The following KAT7 variants were observed in gnomAD, a reference collection of about 807,000 sequenced individuals.
KAT7 encodes the protein lysine acetyltransferase 7.
A neutral mutation model predicts 82.1 loss-of-function variants in KAT7; 10 were observed. The observed-to-expected ratio is 0.12, with a 90% CI of 0.08 to 0.21. KAT7 has a LOEUF of 0.21. Ranked by LOEUF, KAT7 falls within the 10% of genes least tolerant of loss-of-function variation. The probability of loss-of-function intolerance (pLI) is 1.00; values close to 1 mark genes in which losing one functional copy is unlikely to be tolerated. For missense variants in KAT7, 378 were observed against 760.9 expected, an observed-to-expected ratio of 0.50 and a Z score of 5.92; for synonymous variants, 250 against 262.5, an observed-to-expected ratio of 0.95 and a Z score of 0.46.
chr17:49,823,879 A>G (rs1160547784), intron 12 of KAT7, among the ~76,000 whole-genome samples: 1 of 152,136 alleles, frequency 6.6e-6, no homozygotes, highest in Non-Finnish European at 1.5e-5. Context: ...AAACAAGTTC[A>G]TTTTCAGTCT....
chr17:49,808,971 T>C, intron 5 of KAT7, 148 bp from the exon 6 acceptor site: 1 of 611,614 alleles, frequency 1.6e-6, no homozygotes, highest in Non-Finnish European at 2.9e-6. Context: ...GCATTATCTC[T>C]TTCTTGTAGA....
intron 6 of KAT7, among the ~76,000 whole-genome samples, chr17:49,810,200 C>T (rs1186524085): frequency 6.6e-6 from 1 of 152,154 alleles, no homozygotes; most frequent in Non-Finnish European, 1.5e-5. Flanking sequence ...AGGTAAAAAG[C>T]ACTCCATAAG....
chr17:49,810,413 C>G (rs532841007), intron 6 of KAT7, among the ~76,000 whole-genome samples: 1 of 152,102 alleles, frequency 6.6e-6, no homozygotes, highest in Non-Finnish European at 1.5e-5. Context: ...CACGCCACCA[C>G]GCCCAGCTAA....
intron 1 of KAT7, among the ~76,000 whole-genome samples, chr17:49,790,611 T>C (rs1218735427): frequency 1.3e-5 from 2 of 152,232 alleles, no homozygotes; most frequent in Non-Finnish European, 2.9e-5. Flanking sequence ...AAAATGTACA[T>C]TTTTTTAGTA....
rs1555606709 is a variant in KAT7 at position 49,827,815 on chromosome 17, C to T, written c.*313C>T. On this transcript the variant is annotated 3_prime_UTR_variant, in exon 15 of 15. Transcript: ENST00000259021. ...CCAGTCACTGGTTCTCTCCTCATGT[C>T]CTCTCGCCCCATGAGGTTGTGTTGT... is the stretch of plus-strand genomic sequence containing the variant. 4.3e-5 allele frequency: 13 copies of T among 299,144 alleles called. No homozygotes were observed. The South Asian group carries it at 8.7e-4, about 20-fold the overall frequency. The allele number at this position is 299,144 out of a possible 1,614,324, so 18.5% of individuals were successfully genotyped here.
chr17:49,817,672 G>A (rs2074251076), intron 8 of KAT7, 148 bp from the exon 9 acceptor site: 4 of 599,720 alleles, frequency 6.7e-6, no homozygotes, highest in Admixed American at 3.0e-5. Flanking sequence ...TTGCCATTTC[G>A]GCCAGGCTGG....
At chr17:49,800,688 T>C (rs940498418) in intron 4 of KAT7, among the ~76,000 whole-genome samples, 1 of 152,176 alleles carries the variant, frequency 6.6e-6, no homozygotes, top group African/African-American at 2.4e-5. Flanking sequence ...GTTATGAGGA[T>C]GTAGCTATGA....
In KAT7 at chr17:49,829,529, AATT is replaced by A. The variant is rs1244270775; in HGVS notation, c.*2031_*2033del. The A allele has an allele frequency of 1.3e-5, 2 of 152,150 alleles. No individual in the cohort carries two copies. The highest frequency in any genetic ancestry group is 4.8e-5 in the African/African-American group (2 of 41,438). The allele number at this position is 152,150 out of a possible 1,614,324, so 9.4% of individuals were successfully genotyped here. A position where few individuals can be genotyped will look rare whatever the true frequency, so the allele number is the denominator to read the frequency against. ...ACCAGTATTGAGCAGTGTCACCTCT[AATT>A]ATTGACTCTCTCGCAGGTTGAAATT... On this transcript the variant is annotated 3_prime_UTR_variant, in exon 15 of 15. Coordinates refer to ENST00000259021, the MANE Select transcript of KAT7 (RefSeq NM_007067.5).
At chr17:49,802,854 T>G (rs2074041716) in intron 4 of KAT7, among the ~76,000 whole-genome samples, 1 of 152,050 alleles carries the variant, frequency 6.6e-6, no homozygotes, top group Non-Finnish European at 1.5e-5. Flanking sequence ...GCCTTCTGAG[T>G]AGCCAGGACT....
rs2074390916 is a variant in KAT7 at position 49,828,226 on chromosome 17, C to G, written c.*724C>G. The G allele has an allele frequency of 6.6e-6, 1 of 152,164 alleles. No individual in the cohort carries two copies. Among genetic ancestry groups the G allele is most frequent in the African/African-American group, 2.4e-5 (1 of 41,380 alleles). 9.4% of individuals were successfully genotyped at this position (152,164 alleles called of 1,614,324 possible). ...GTGGGCAGTGGGCAGTGGGCAGTGTCTTGGTGAAAGGGAACGGATACTACT... is the reference window on the plus strand; with the variant it reads ...GTGGGCAGTGGGCAGTGGGCAGTGTGTTGGTGAAAGGGAACGGATACTACT... On this transcript the variant is annotated 3_prime_UTR_variant, in exon 15 of 15. Transcript: ENST00000259021.
At chr17:49,793,176 A>T (rs1325780193) in intron 2 of KAT7, among the ~76,000 whole-genome samples, 1 of 152,226 alleles carries the variant, frequency 6.6e-6, no homozygotes, top group Non-Finnish European at 1.5e-5. Context: ...ACTTAACCCC[A>T]TTACAAGTCA....
At chr17:49,802,693 A>AT (rs1297477998) in intron 4 of KAT7, among the ~76,000 whole-genome samples, 1 of 151,296 alleles carries the variant, frequency 6.6e-6, no homozygotes, top group African/African-American at 2.4e-5. Flanking sequence ...AGACGTATGG[A>AT]TACATAGTAT....
chr17:49,809,640 A>G (rs1402951893), intron 6 of KAT7, among the ~76,000 whole-genome samples: 1 of 152,162 alleles, frequency 6.6e-6, no homozygotes, highest in Non-Finnish European at 1.5e-5. Flanking sequence ...CTTGGTTTGT[A>G]GGGAGCATCC....
chr17:49,820,708 A>G (rs1036307226), intron 9 of KAT7, among the ~76,000 whole-genome samples: 3 of 149,768 alleles, frequency 2.0e-5, no homozygotes, highest in Non-Finnish European at 4.4e-5. Context: ...CTTGTGGCCA[A>G]GTGACCCTAG....
At chr17:49,803,552 G>A (rs1018258839) in intron 4 of KAT7, among the ~76,000 whole-genome samples, 1 of 152,064 alleles carries the variant, frequency 6.6e-6, no homozygotes, top group Non-Finnish European at 1.5e-5. Context: ...AGCCTCCCGA[G>A]TAGCTGGGAC....
At chr17:49,790,000 C>G (rs1213302420) in intron 1 of KAT7, 2 of 152,224 alleles carry the variant, frequency 1.3e-5, no homozygotes, top group Admixed American at 6.5e-5. Context: ...TTAAGATTCC[C>G]CCTTCATTTC....
chr17:49,829,875 A>G lies in KAT7; in HGVS notation c.*2373A>G, dbSNP rs1277021933. 6.8e-6 allele frequency: 1 copy of G among 146,250 alleles called. No individual in the cohort carries two copies. Among genetic ancestry groups the G allele is most frequent in the Non-Finnish European group, 1.5e-5 (1 of 67,068 alleles). 9.1% of individuals were successfully genotyped at this position (146,250 alleles called of 1,614,324 possible). A position where few individuals can be genotyped will look rare whatever the true frequency, so the allele number is the denominator to read the frequency against. On this transcript the variant is annotated 3_prime_UTR_variant, in exon 15 of 15. Coordinates refer to ENST00000259021, the MANE Select transcript of KAT7 (RefSeq NM_007067.5). ...TGGCAACTTTGCATGAGACTATCCCATTTCATTCCGTTTTTTTTTTTTTGA... is the reference window on the plus strand; with the variant it reads ...TGGCAACTTTGCATGAGACTATCCCGTTTCATTCCGTTTTTTTTTTTTTGA...
At chr17:49,804,947 G>A (rs935745605) in intron 4 of KAT7, among the ~76,000 whole-genome samples, 3 of 152,108 alleles carry the variant, frequency 2.0e-5, no homozygotes, top group Non-Finnish European at 4.4e-5. Context: ...TTAAATTCAG[G>A]TTGGATAACA....
chr17:49,802,385 T>C (rs2074035312), intron 4 of KAT7, among the ~76,000 whole-genome samples: 1 of 152,140 alleles, frequency 6.6e-6, no homozygotes, highest in East Asian at 1.9e-4. Context: ...AGTATGGATA[T>C]GCCTGGGTGC....
Sources: gnomAD v4.1 joint callset for allele counts (sites outside exome capture counted in the v4.1 genomes callset) on GRCh38, gnomAD v4.1.1 for gene constraint, MANE v1.5 for transcripts, NCBI Gene and HGNC (gene_info 2026-07-23, HGNC 2026-07-21) for gene names.